Variants in NFIB observed in about 807,000 individuals in gnomAD.
NFIB encodes the protein nuclear factor I B.
A neutral mutation model predicts 61.5 loss-of-function variants in NFIB; 11 were observed. That is an observed-to-expected ratio of 0.18 (90% CI 0.11 to 0.30). The LOEUF is 0.30. Among genes scored for constraint, NFIB ranks in the 10% least tolerant of loss-of-function variants. The probability of loss-of-function intolerance (pLI) is 1.00; values close to 1 mark genes in which losing one functional copy is unlikely to be tolerated. For missense variants in NFIB, 471 were observed against 608.9 expected, an observed-to-expected ratio of 0.77 and a Z score of 2.38; for synonymous variants, 260 against 216.5, an observed-to-expected ratio of 1.20 and a Z score of -1.76.
At chr9:14,390,431 A>T (rs894917518) in intron 1 of NFIB, among the ~76,000 whole-genome samples, 1 of 152,232 alleles carries the variant, frequency 6.6e-6, no homozygotes. Context: ...ACTAAAAAAA[A>T]TTGATATGTC....
intron 6 of NFIB, among the ~76,000 whole-genome samples, chr9:14,141,919 A>C (rs1255080285): frequency 2.0e-5 from 2 of 99,638 alleles, no homozygotes; most frequent in African/African-American, 4.1e-5. Context: ...AAAAAAAAAA[A>C]AAAAAAACAA....
the NFIB span, among the ~76,000 whole-genome samples, chr9:14,525,467 A>G: frequency 6.6e-6 from 1 of 152,152 alleles, no homozygotes. Flanking sequence ...GGTTCTGGTA[A>G]TGTCTATGTT....
chr9:14,400,377 G>A (rs1290224967), upstream of NFIB, among the ~76,000 whole-genome samples: 1 of 152,178 alleles, frequency 6.6e-6, no homozygotes, highest in Non-Finnish European at 1.5e-5. Context: ...ATCCAAGGCT[G>A]ACACCAAGGA....
chr9:14,398,400 T>C (rs2061708940), intron 1 of NFIB: 1 of 655,206 alleles, frequency 1.5e-6, no homozygotes, highest in Admixed American at 3.2e-5. Flanking sequence ...AAACCAGCCC[T>C]GCAACAGGAA....
chr9:14,284,695 T>A (rs141801029), intron 2 of NFIB, among the ~76,000 whole-genome samples: 14 of 152,362 alleles, frequency 9.2e-5, no homozygotes, highest in African/African-American at 3.4e-4. Flanking sequence ...CATAGATATT[T>A]TATTTGAAAA....
At chr9:14,224,374 A>G (rs1036671577) in intron 2 of NFIB, among the ~76,000 whole-genome samples, 9 of 152,244 alleles carry the variant, frequency 5.9e-5, no homozygotes, top group African/African-American at 2.2e-4. Context: ...GAGAATATTT[A>G]GATTGAAAGT....
rs1252768911 is a variant in NFIB, at chr9:14,195,507, A to T, written c.563-15727T>A. Among the ~76,000 whole-genome samples the T allele has an allele frequency of 7.2e-5, 11 of 152,236 alleles. No individual in the cohort carries two copies. The East Asian group carries it at 2.1e-3, about 29-fold the overall frequency. On this transcript the variant is annotated intron_variant, in intron 2 of 10. Coordinates refer to ENST00000380953, the MANE Select transcript of NFIB (RefSeq NM_001190737.2). ...ATGATAAATTCTAATTTTTATTTGA[A>T]AGTATAAAGCACATATGAGACGACT...
At chr9:14,473,067 C>T in the NFIB span, among the ~76,000 whole-genome samples, 2 of 152,134 alleles carry the variant, frequency 1.3e-5, no homozygotes, top group Non-Finnish European at 2.9e-5. Flanking sequence ...TTTTCTTAAA[C>T]CCCACACCCT....
At chr9:14,095,564 G>C (rs989564471) in intron 10 of NFIB, among the ~76,000 whole-genome samples, 1 of 151,998 alleles carries the variant, frequency 6.6e-6, no homozygotes, top group African/African-American at 2.4e-5. Flanking sequence ...TTTAACAGCA[G>C]ATAAAATTCT....
exon 1 of NFIB, chr9:14,398,620 G>T (rs2061711543): frequency 1.3e-6 from 2 of 1,530,526 alleles, no homozygotes; most frequent in Non-Finnish European, 1.7e-6. Context: ...CAGACACTGG[G>T]ATTCTTTCCA....
chr9:14,261,308 C>A (rs1381408027), intron 2 of NFIB, among the ~76,000 whole-genome samples: 1 of 151,932 alleles, frequency 6.6e-6, no homozygotes, highest in African/African-American at 2.4e-5. Context: ...TAGAGCAGGA[C>A]TCCGTCTCAA....
chr9:14,180,090 T>A (rs10756534), intron 2 of NFIB, among the ~76,000 whole-genome samples: 3 of 152,120 alleles, frequency 2.0e-5, no homozygotes, highest in African/African-American at 7.3e-5. Context: ...TAGGCAAATA[T>A]TGAGGCCTGT....
At chr9:14,335,139 T>C (rs1195163418) in intron 1 of NFIB, among the ~76,000 whole-genome samples, 1 of 152,226 alleles carries the variant, frequency 6.6e-6, no homozygotes, top group African/African-American at 2.4e-5. Flanking sequence ...GCTATGAACA[T>C]TCATGTACAA....
intron 2 of NFIB, among the ~76,000 whole-genome samples, chr9:14,270,716 C>G: frequency 6.6e-6 from 1 of 151,346 alleles, no homozygotes; most frequent in Non-Finnish European, 1.5e-5. Flanking sequence ...TAAGGTGTCT[C>G]TTTGCAACAT....
At chr9:14,221,180 G>A (rs556504177) in intron 2 of NFIB, among the ~76,000 whole-genome samples, 6 of 152,074 alleles carry the variant, frequency 3.9e-5, no homozygotes, top group South Asian at 4.2e-4. Flanking sequence ...TCCCCATATC[G>A]CAAAGTAAAA....
chr9:14,519,344 G>GA, the NFIB span, among the ~76,000 whole-genome samples: 1 of 152,090 alleles, frequency 6.6e-6, no homozygotes, highest in Admixed American at 6.5e-5. Context: ...GAGTTTAGGG[G>GA]AAAAATGAAA....
intron 1 of NFIB, among the ~76,000 whole-genome samples, chr9:14,333,763 A>G (rs1043766360): frequency 6.6e-6 from 1 of 152,240 alleles, no homozygotes; most frequent in Non-Finnish European, 1.5e-5. Context: ...GAAAGTATAC[A>G]TCACGAGTGT....
intron 1 of NFIB, among the ~76,000 whole-genome samples, chr9:14,368,154 TAAA>T (rs35889620): frequency 2.7e-4 from 40 of 145,506 alleles, no homozygotes; most frequent in Non-Finnish European, 3.6e-4. Flanking sequence ...AAAGTAAGAT[TAAA>T]AAAAAAAAAA....
chr9:14,390,472 A>G (rs2061606761), intron 1 of NFIB, among the ~76,000 whole-genome samples: 1 of 152,238 alleles, frequency 6.6e-6, no homozygotes, highest in African/African-American at 2.4e-5. Flanking sequence ...TAAAAGAGTA[A>G]ACTCAAGTGT....
Sources: gnomAD v4.1 joint callset for allele counts (sites outside exome capture counted in the v4.1 genomes callset) on GRCh38, gnomAD v4.1.1 for gene constraint, MANE v1.5 for transcripts, NCBI Gene and HGNC (gene_info 2026-07-23, HGNC 2026-07-21) for gene names.